CNDP1: variants seen among roughly 807,000 people sequenced by gnomAD.
The protein encoded by CNDP1 is carnosine dipeptidase 1.
In CNDP1, 44 loss-of-function variants were observed where a neutral mutation model predicts 58.1. The observed-to-expected ratio is 0.76, with a 90% confidence interval of 0.60 to 0.97. The LOEUF (loss-of-function observed/expected upper bound fraction) is 0.97. Among genes scored for constraint, CNDP1 ranks in the 50% least tolerant of loss-of-function variants. The pLI, the probability that CNDP1 is intolerant of heterozygous loss-of-function variation, is 0.00. For missense variants in CNDP1, 616 were observed against 655.1 expected, an observed-to-expected ratio of 0.94 and a Z score of 0.65; for synonymous variants, 254 against 252.6, an observed-to-expected ratio of 1.01 and a Z score of -0.05.
At chr18:74,578,120 G>C (rs1262073142) in intron 8 of CNDP1, 43 bp from the exon 9 acceptor site, 1 of 1,571,232 alleles carries the variant, frequency 6.4e-7, no homozygotes, top group African/African-American at 1.4e-5. Context: ...AGGTCCACTG[G>C]GTTCTAATTA....
intron 1 of CNDP1, among the ~76,000 whole-genome samples, chr18:74,537,300 T>C (rs190424885): frequency 1.3e-5 from 2 of 152,244 alleles, no homozygotes; most frequent in Non-Finnish European, 2.9e-5. Context: ...CCATCTTGAG[T>C]TGATTTTTGT....
chr18:74,548,712 C>T (rs1021672081), intron 1 of CNDP1, among the ~76,000 whole-genome samples: 2 of 152,166 alleles, frequency 1.3e-5, no homozygotes, highest in Non-Finnish European at 2.9e-5. Context: ...GGAAAGTTTG[C>T]AACTTCTTAG....
intron 1 of CNDP1, among the ~76,000 whole-genome samples, chr18:74,549,150 C>T (rs1048920041): frequency 1.3e-5 from 2 of 152,192 alleles, no homozygotes; most frequent in Non-Finnish European, 2.9e-5. Flanking sequence ...TTTCACATCA[C>T]TCTAGTATAT....
In CNDP1 at chr18:74,556,469, A is replaced by G. The variant is rs200180090; in HGVS notation, c.153+3A>G. On this transcript the variant is annotated splice_donor_region_variant and intron_variant, in intron 2 of 11. Transcript: ENST00000358821. The stretch of plus-strand genomic sequence containing the variant: ...TCCATCAGGATGAATTTGTGCAGGT[A>G]GGAGAAAGAAACTACACAACTACAC... 1.4e-4 allele frequency: 227 copies of G among 1,614,174 alleles called. No homozygotes were observed. In the East Asian group the frequency reaches 5.0e-3, roughly 35 times the overall value.
At chr18:74,583,735 T>A (rs937433270) in intron 11 of CNDP1, 27 bp downstream of exon 11, 13 of 1,611,912 alleles carry the variant, frequency 8.1e-6, no homozygotes, top group Non-Finnish European at 1.1e-5. Flanking sequence ...GCAATGTGCC[T>A]CTCTCTTCTT....
At chr18:74,576,605 G>A in intron 7 of CNDP1, 2 of 372,614 alleles carry the variant, frequency 5.4e-6, no homozygotes. Flanking sequence ...CTCATTTGTT[G>A]CAGGCCCAGG....
Position 74,584,519 on chromosome 18 carries a change from A to C in CNDP1, c.1481A>C (p.Lys494Thr). The change falls in exon 12 of 12, where the codon AAA becomes ACA. Residue 494 changes from lysine to threonine, a missense_variant. Transcript: ENST00000358821. The part of the protein sequence containing the change: ...INRWNYIEGT[K>T]LFAAFFLEMA... ...AGGTGGAACTACATAGAGGGAACCA[A>C]ATTATTTGCTGCCTTTTTCTTAGAG... is the stretch of plus-strand genomic sequence containing the variant. 2 of 1,613,828 alleles carry C rather than the reference A, an allele frequency of 1.2e-6. No individual in the cohort carries two copies. Among genetic ancestry groups the C allele is most frequent in the Non-Finnish European group, 1.7e-6 (2 of 1,179,754 alleles).
rs1481710359 is a variant in CNDP1, at chr18:74,585,550, A to G, written c.*988A>G. ...ATCATGTTTGGCTTGATTGGATTTGACGGTGTAAACAACAAAAAAAGACAG... is the reference window on the plus strand; with the variant it reads ...ATCATGTTTGGCTTGATTGGATTTGGCGGTGTAAACAACAAAAAAAGACAG... On this transcript the variant is annotated 3_prime_UTR_variant, in exon 12 of 12. Coordinates refer to ENST00000358821, the MANE Select transcript of CNDP1 (RefSeq NM_032649.6). 1 of 114,454 alleles carries G rather than the reference A, an allele frequency of 8.7e-6. No individual in the cohort carries two copies. The highest frequency in any genetic ancestry group is 2.8e-5 in the African/African-American group (1 of 35,124). 7.1% of individuals were successfully genotyped at this position (114,454 alleles called of 1,614,324 possible).
chr18:74,574,258 T>C (rs1981572314), intron 7 of CNDP1, among the ~76,000 whole-genome samples: 1 of 152,246 alleles, frequency 6.6e-6, no homozygotes. Flanking sequence ...GTGAAATGCA[T>C]GATAACCTCC....
intron 1 of CNDP1, among the ~76,000 whole-genome samples, chr18:74,551,393 CAA>C (rs56876585): frequency 7.3e-4 from 104 of 142,356 alleles, no homozygotes; most frequent in Middle Eastern, 3.7e-3. Flanking sequence ...CACACACACA[CAA>C]ACAAAAACAG....
intron 7 of CNDP1, among the ~76,000 whole-genome samples, chr18:74,572,890 T>C (rs1442486131): frequency 6.8e-6 from 1 of 147,672 alleles, no homozygotes; most frequent in African/African-American, 2.5e-5. Flanking sequence ...GGCAGACAAA[T>C]TGCCAGAAAG....
At chr18:74,578,791 T>C (rs949996373) in intron 9 of CNDP1, among the ~76,000 whole-genome samples, 9 of 152,218 alleles carry the variant, frequency 5.9e-5, no homozygotes, top group Non-Finnish European at 1.2e-4. Context: ...GGGACCTGCC[T>C]ATGCTTGGAC....
At position 74,545,858 on chromosome 18, in the gene CNDP1, G is replaced by A. The variant is rs1214862498; in HGVS notation, c.25-10480G>A. On this transcript the variant is annotated intron_variant, in intron 1 of 11. Coordinates refer to ENST00000358821, the MANE Select transcript of CNDP1 (RefSeq NM_032649.6). This position sits in a 1 kb window ranked among gnomAD's most constrained non-coding sequence, Gnocchi z 4.1. ...ACGATATCTCCAAAGGAGAATGTTC[G>A]CCTTGGGTTTTGGCTCCAGCGTCAG... Among the ~76,000 whole-genome samples, 2 of 152,240 alleles carry A rather than the reference G, an allele frequency of 1.3e-5. No homozygotes were observed. The highest frequency in any genetic ancestry group is 6.5e-5 in the Admixed American group (1 of 15,286).
intron 6 of CNDP1, among the ~76,000 whole-genome samples, chr18:74,570,214 ATAAT>A (rs1433702882): frequency 0.011 from 792 of 72,916 alleles, 6 homozygotes; most frequent in African/African-American, 0.032. Flanking sequence ...AATAATAATA[ATAAT>A]TAATAATAAT....
At position 74,545,469 on chromosome 18, in the gene CNDP1, T is replaced by C. The variant is rs1016284000; in HGVS notation, c.24+10778T>C. Among the ~76,000 whole-genome samples the C allele has an allele frequency of 1.3e-5, 2 of 152,132 alleles. No homozygotes were observed. The highest frequency in any genetic ancestry group is 4.8e-5 in the African/African-American group (2 of 41,418). ...TAAAGGCTGTGTACGTAATTACAGG[T>C]TTCTAGAAAAGAAACGTGTTATTTG... On this transcript the variant is annotated intron_variant, in intron 1 of 11. Transcript: ENST00000358821. The surrounding 1 kb of genome is among the most constrained non-coding windows in gnomAD (Gnocchi z 4.1).
At chr18:74,556,558 AT>A in intron 2 of CNDP1, 92 bp downstream of exon 2, 2 of 1,504,838 alleles carry the variant, frequency 1.3e-6, no homozygotes, top group Middle Eastern at 1.7e-4. Flanking sequence ...GGAGATGTGG[AT>A]TTTTTTGCCT....
At chr18:74,560,317 C>T (rs951578096) in intron 3 of CNDP1, among the ~76,000 whole-genome samples, 11 of 152,192 alleles carry the variant, frequency 7.2e-5, no homozygotes, top group Admixed American at 5.9e-4. Flanking sequence ...CCCGGCCCGT[C>T]TGCATTCTTG....
At chr18:74,561,100 T>A in intron 4 of CNDP1, 82 bp downstream of exon 4, 1 of 1,528,234 alleles carries the variant, frequency 6.5e-7, no homozygotes, top group Non-Finnish European at 8.9e-7. Flanking sequence ...TGTCCCTGGG[T>A]TTTGGGTCTC....
chr18:74,555,101 G>A (rs984185398), intron 1 of CNDP1, among the ~76,000 whole-genome samples: 13 of 152,122 alleles, frequency 8.5e-5, no homozygotes, highest in African/African-American at 3.1e-4. Context: ...ACGGAAAGGT[G>A]GGCATTTGAA....
Sources: allele counts gnomAD v4.1 joint callset (sites outside exome capture counted in the v4.1 genomes callset), GRCh38; gene constraint gnomAD v4.1.1; non-coding constraint Gnocchi (gnomAD v3.1); transcripts MANE v1.5; gene names NCBI Gene and HGNC (gene_info 2026-07-23, HGNC 2026-07-21).